The following ITGA8 variants were observed in gnomAD, a reference collection of about 807,000 sequenced individuals.
The protein encoded by ITGA8 is integrin alpha-8.
A neutral mutation model predicts 142.3 loss-of-function variants in ITGA8; 91 were observed. The ratio of observed to expected loss-of-function variants is 0.64; its 90% CI spans 0.54 to 0.76. The LOEUF (loss-of-function observed/expected upper bound fraction) is 0.76, where lower values mean the gene tolerates loss of function less well. Among genes scored for constraint, ITGA8 ranks in the 30% least tolerant of loss-of-function variants. ITGA8 has a pLI of 0.00. For synonymous variants in ITGA8, 505 were observed against 485.2 expected (o/e 1.04, Z -0.54); for missense variants, 1,406 against 1,327.7 (o/e 1.06, Z -0.92).
rs184063223 is a variant in ITGA8 at position 15,610,061 on chromosome 10, A to C, written c.1554-1771T>G. Among the ~76,000 whole-genome samples the C allele has an allele frequency of 2.6e-5, 4 of 152,276 alleles. No individual in the cohort carries two copies. The East Asian group carries it at 7.7e-4, about 29-fold the overall frequency. On this transcript the variant is annotated intron_variant, in intron 15 of 29. Coordinates refer to ENST00000378076, the MANE Select transcript of ITGA8 (RefSeq NM_003638.3). ...CTTAGCTCACTCTTTCTGTTTTCTGAATATCATTACCAAATGGATGACTTT... is the reference window on the plus strand; with the variant it reads ...CTTAGCTCACTCTTTCTGTTTTCTGCATATCATTACCAAATGGATGACTTT...
chr10:15,677,730 C>G (rs1834658301), intron 5 of ITGA8, 93 bp from the exon 6 acceptor site: 3 of 1,265,352 alleles, frequency 2.4e-6, no homozygotes, highest in South Asian at 2.7e-5. Context: ...AAGCATTGCT[C>G]TAACAATTTG....
At chr10:15,675,694 A>G (rs528399699) in intron 6 of ITGA8, among the ~76,000 whole-genome samples, 7 of 152,154 alleles carry the variant, frequency 4.6e-5, no homozygotes, top group Non-Finnish European at 8.8e-5. Flanking sequence ...GCTTAAACTC[A>G]CTTCATAGTT....
chr10:15,657,510 A>ATTT lies in ITGA8; in HGVS notation c.948+1486_948+1488dup, dbSNP rs34510305. ...TGCTGGTTTCTTTTTCTTTTCTTTCATTTTTTTTTTTTTTTTTTTTTAACA... is the reference window on the plus strand; with the variant it reads ...TGCTGGTTTCTTTTTCTTTTCTTTCATTTTTTTTTTTTTTTTTTTTTTTTAACA... On this transcript the variant is annotated intron_variant, in intron 10 of 29. Coordinates refer to ENST00000378076, the MANE Select transcript of ITGA8 (RefSeq NM_003638.3). Among the ~76,000 whole-genome samples, 463 of 132,492 alleles carry ATTT rather than the reference A, an allele frequency of 3.5e-3. 9 individuals carry two copies. Among genetic ancestry groups the ATTT allele is most frequent in the African/African-American group, 0.012 (435 of 35,182 alleles). The allele number at this position is 132,492 out of a possible 152,430, so 86.9% of individuals were successfully genotyped here. A position where few individuals can be genotyped will look rare whatever the true frequency, so the allele number is the denominator to read the frequency against.
chr10:15,580,573 T>C lies in ITGA8; in HGVS notation c.2373-4979A>G, dbSNP rs112727145. Among the ~76,000 whole-genome samples the C allele has an allele frequency of 3.8e-3, 582 of 152,306 alleles. 5 individuals are homozygous for C. The highest frequency in any genetic ancestry group is 0.013 in the African/African-American group (561 of 41,584). On this transcript the variant is annotated intron_variant, in intron 23 of 29. Coordinates refer to ENST00000378076, the MANE Select transcript of ITGA8 (RefSeq NM_003638.3). Reference sequence around the variant, plus strand: ...CGAATCCCAGAGTATCTAAAAAGGATAATCATCAACACTAAATGTGTTTAT... The same window carrying C: ...CGAATCCCAGAGTATCTAAAAAGGACAATCATCAACACTAAATGTGTTTAT...
chr10:15,524,080 A>G (rs571191392), intron 28 of ITGA8, among the ~76,000 whole-genome samples: 106 of 152,338 alleles, frequency 7.0e-4, no homozygotes, highest in Non-Finnish European at 1.3e-3. Context: ...GCAACCTCTG[A>G]GTGACTCTCC....
At chr10:15,665,343 G>T (rs1391531709) in intron 8 of ITGA8, among the ~76,000 whole-genome samples, 1 of 152,020 alleles carries the variant, frequency 6.6e-6, no homozygotes, top group Non-Finnish European at 1.5e-5. Context: ...CATATCCTTC[G>T]CCCACTTTTT....
chr10:15,604,578 CAAAAAAAAAAA>C (rs35672275), intron 19 of ITGA8, among the ~76,000 whole-genome samples: 4 of 86,366 alleles, frequency 4.6e-5, no homozygotes, highest in Non-Finnish European at 7.0e-5. Flanking sequence ...AACCAGTTCT[CAAAAAAAAAAA>C]AAAAAAAAAA....
chr10:15,620,787 C>A (rs190407680), intron 13 of ITGA8, among the ~76,000 whole-genome samples: 37 of 152,302 alleles, frequency 2.4e-4, no homozygotes, highest in Admixed American at 7.8e-4. Flanking sequence ...CATCTATACA[C>A]ACATAAGTAT....
chr10:15,658,863 C>T (rs45499401), intron 10 of ITGA8, 136 bp downstream of exon 10: 288 of 617,744 alleles, frequency 4.7e-4, no homozygotes, highest in Admixed American at 7.7e-4. Flanking sequence ...ATTGCATCCC[C>T]GGTGCCTAGG....
At chr10:15,656,544 A>G (rs1834189105) in intron 10 of ITGA8, among the ~76,000 whole-genome samples, 2 of 151,802 alleles carry the variant, frequency 1.3e-5, no homozygotes, top group Admixed American at 6.6e-5. Context: ...TTCTATTTTT[A>G]GTAGAGATGA....
chr10:15,538,363 T>G (rs1372509960), intron 27 of ITGA8, among the ~76,000 whole-genome samples: 1 of 151,826 alleles, frequency 6.6e-6, no homozygotes, highest in East Asian at 1.9e-4. Flanking sequence ...AATACAAAAA[T>G]CAGCTGGGCA....
intron 19 of ITGA8, 85 bp downstream of exon 19, chr10:15,605,639 A>T: frequency 9.3e-7 from 1 of 1,075,338 alleles, no homozygotes; most frequent in Non-Finnish European, 1.4e-6. Context: ...AGTTATTGGA[A>T]GTGTATACTT....
intron 22 of ITGA8, among the ~76,000 whole-genome samples, chr10:15,587,275 T>C (rs546763574): frequency 6.6e-6 from 1 of 152,286 alleles, no homozygotes; most frequent in South Asian, 2.1e-4. Flanking sequence ...CTGAGCTCAT[T>C]TTGCAGCTTC....
chr10:15,595,197 A>G, intron 21 of ITGA8, among the ~76,000 whole-genome samples: 1 of 152,302 alleles, frequency 6.6e-6, no homozygotes, highest in South Asian at 2.1e-4. Flanking sequence ...TTTAAGTTAA[A>G]ATACCAAGTC....
intron 13 of ITGA8, among the ~76,000 whole-genome samples, chr10:15,618,598 G>A (rs1015482991): frequency 2.0e-5 from 3 of 152,124 alleles, no homozygotes; most frequent in African/African-American, 4.8e-5. Context: ...ACTGGGAAAG[G>A]CCGACCCACC....
chr10:15,710,486 G>A (rs1186243848), intron 2 of ITGA8, among the ~76,000 whole-genome samples: 1 of 152,178 alleles, frequency 6.6e-6, no homozygotes. Flanking sequence ...TATCCTGGTG[G>A]GAACTATAGG....
chr10:15,568,647 G>C (rs1834120733), intron 25 of ITGA8, among the ~76,000 whole-genome samples: 1 of 152,164 alleles, frequency 6.6e-6, no homozygotes, highest in Admixed American at 6.5e-5. Context: ...TTGGCATTCA[G>C]AATGCATTTC....
At chr10:15,716,902 T>G (rs2131744642) in intron 2 of ITGA8, among the ~76,000 whole-genome samples, 1 of 152,274 alleles carries the variant, frequency 6.6e-6, no homozygotes, top group Middle Eastern at 3.4e-3. Flanking sequence ...CCTCAAGTGA[T>G]CCACCTGCCT....
At chr10:15,579,866 G>A (rs559606025) in intron 23 of ITGA8, among the ~76,000 whole-genome samples, 7 of 151,508 alleles carry the variant, frequency 4.6e-5, no homozygotes, top group South Asian at 2.1e-4. Context: ...TAAACATTTC[G>A]GTATGCTGCT....
Sources: allele counts gnomAD v4.1 joint callset (sites outside exome capture counted in the v4.1 genomes callset), GRCh38; gene constraint gnomAD v4.1.1; transcripts MANE v1.5; gene names NCBI Gene and HGNC (gene_info 2026-07-23, HGNC 2026-07-21).